ZC2HC1A: variants seen among roughly 807,000 people sequenced by gnomAD.
ZC2HC1A encodes zinc finger C2HC-type containing 1A.
Under a neutral mutation model 40.7 loss-of-function variants are expected in ZC2HC1A, and 28 were observed. The ratio of observed to expected loss-of-function variants is 0.69; its 90% CI spans 0.51 to 0.94. ZC2HC1A has a LOEUF of 0.94. Ranked by LOEUF, ZC2HC1A falls within the 40% of genes least tolerant of loss-of-function variation. The pLI, the probability that ZC2HC1A is intolerant of heterozygous loss-of-function variation, is 0.00. For synonymous variants in ZC2HC1A, 129 were observed against 129.2 expected (o/e 1.00, Z 0.01); for missense variants, 389 against 386.3 (o/e 1.01, Z -0.06).
intron 5 of ZC2HC1A, among the ~76,000 whole-genome samples, chr8:78,693,444 T>C (rs1810285489): frequency 6.6e-6 from 1 of 152,222 alleles, no homozygotes; most frequent in Admixed American, 6.5e-5. Context: ...TGAGATGGTA[T>C]CTCATTGTGG....
intron 3 of ZC2HC1A, among the ~76,000 whole-genome samples, 174 bp from the exon 4 acceptor site, chr8:78,686,293 C>T (rs1206722790): frequency 1.3e-5 from 2 of 151,910 alleles, no homozygotes; most frequent in African/African-American, 4.8e-5. Flanking sequence ...TATAAAATTG[C>T]AATGTAGTTG....
At chr8:78,676,285 T>G (rs1024275401) in intron 2 of ZC2HC1A, among the ~76,000 whole-genome samples, 2 of 151,960 alleles carry the variant, frequency 1.3e-5, no homozygotes, top group Non-Finnish European at 2.9e-5. Context: ...AGCTGGGTGA[T>G]GAGTAGTAAA....
At chr8:78,676,132 A>C (rs192774306) in intron 2 of ZC2HC1A, 176 of 260,410 alleles carry the variant, frequency 6.8e-4, no homozygotes, top group African/African-American at 3.8e-3. Flanking sequence ...AAATAAAAAA[A>C]AAAAAACAAA....
rs1811172716 is a variant in ZC2HC1A at position 78,718,472 on chromosome 8, G to T, written c.*979G>T. The T allele has an allele frequency of 6.6e-6, 1 of 151,856 alleles. No homozygotes were observed. The highest frequency in any genetic ancestry group is 1.5e-5 in the Non-Finnish European group (1 of 67,786). The allele number at this position is 151,856 out of a possible 1,614,324, so 9.4% of individuals were successfully genotyped here. A position where few individuals can be genotyped will look rare whatever the true frequency, so the allele number is the denominator to read the frequency against. On this transcript the variant is annotated 3_prime_UTR_variant, in exon 9 of 9. Transcript: ENST00000263849. ...ATAGTTGTGGTAACTAATCATTAGT[G>T]CAGAGCATGCAGATAAAAAATATTT... is the stretch of plus-strand genomic sequence containing the variant.
At position 78,686,566 on chromosome 8, in the gene ZC2HC1A, G is replaced by C. The variant is rs1433232139; in HGVS notation, c.310G>C (p.Gly104Arg). The change falls in exon 4 of 9, where the codon GGT (glycine) becomes CGT (arginine). Residue 104 changes from glycine (G) to arginine (R), a missense_variant. Physicochemically the swap from Gly to Arg is moderately radical, Grantham distance 125. Transcript: ENST00000263849. The part of the protein sequence containing the change: ...AKGLDQALKE[G>R]GKLPPPPPPS... Reference sequence around the variant, plus strand: ...AGGCCTTGATCAGGCCCTCAAAGAGGGTGGCAAACTTCCTCCTCCTCCTCC... The same window carrying C: ...AGGCCTTGATCAGGCCCTCAAAGAGCGTGGCAAACTTCCTCCTCCTCCTCC... 1.3e-6 allele frequency: 2 copies of C among 1,531,976 alleles called. No individual in the cohort carries two copies. Among genetic ancestry groups the C allele is most frequent in the Middle Eastern group, 1.7e-4 (1 of 5,730 alleles). The allele number at this position is 1,531,976 out of a possible 1,614,324, so 94.9% of individuals were successfully genotyped here. A position where few individuals can be genotyped will look rare whatever the true frequency, so the allele number is the denominator to read the frequency against.
chr8:78,678,827 C>T, intron 3 of ZC2HC1A, 148 bp downstream of exon 3: 1 of 474,150 alleles, frequency 2.1e-6, no homozygotes, highest in Non-Finnish European at 3.5e-6. Context: ...GTTATATGTT[C>T]AGTTTAGAAA....
At chr8:78,694,163 G>T (rs1810318783) in intron 5 of ZC2HC1A, among the ~76,000 whole-genome samples, 1 of 151,810 alleles carries the variant, frequency 6.6e-6, no homozygotes, top group South Asian at 2.1e-4. Context: ...TTTATAGTTT[G>T]CAATTTTCCA....
intron 1 of ZC2HC1A, among the ~76,000 whole-genome samples, chr8:78,667,959 AT>A (rs60150136): frequency 3.2e-4 from 48 of 148,952 alleles, no homozygotes; most frequent in African/African-American, 9.1e-4. Context: ...TTACTTTTAG[AT>A]TTTTTTTTTT....
In ZC2HC1A at chr8:78,670,685, A is replaced by G. The variant is rs187138711; in HGVS notation, c.16+4521A>G. ...AAGCAAGTCACTCTGAGATCAAGAT[A>G]GTAACTTAGAGAAAGGTAGGAGGTA... On this transcript the variant is annotated intron_variant, in intron 1 of 8. Transcript: ENST00000263849. Among the ~76,000 whole-genome samples, 382 of 152,326 alleles carry G rather than the reference A, an allele frequency of 2.5e-3. 1 individual carries two copies. Among genetic ancestry groups the G allele is most frequent in the Non-Finnish European group, 3.9e-3 (262 of 68,020 alleles).
intron 5 of ZC2HC1A, among the ~76,000 whole-genome samples, chr8:78,692,340 T>A (rs1378313894): frequency 6.6e-6 from 1 of 152,252 alleles, no homozygotes; most frequent in Non-Finnish European, 1.5e-5. Context: ...ATCCCTATAG[T>A]TCAGTCTTAT....
At chr8:78,680,966 G>T (rs1809757502) in intron 3 of ZC2HC1A, among the ~76,000 whole-genome samples, 1 of 152,186 alleles carries the variant, frequency 6.6e-6, no homozygotes, top group Non-Finnish European at 1.5e-5. Flanking sequence ...GGAGAGAATG[G>T]TGGGAGTAGG....
chr8:78,666,524 A>G (rs960755905), intron 1 of ZC2HC1A, among the ~76,000 whole-genome samples: 1 of 151,660 alleles, frequency 6.6e-6, no homozygotes, highest in African/African-American at 2.4e-5. Flanking sequence ...CTTGTACTGG[A>G]CTCTCTCCAT....
chr8:78,666,167 G>T lies in ZC2HC1A; in HGVS notation c.16+3G>T. 6.3e-7 allele frequency: 1 copy of T among 1,574,862 alleles called. No homozygotes were observed. The highest frequency in any genetic ancestry group is 8.6e-7 in the Non-Finnish European group (1 of 1,160,488). ...TGGCGCGATGGAGGGACTGGAAGGT[G>T]AGGCGATGAAGGGATGAGGGCAGGA... On this transcript the variant is annotated splice_donor_region_variant and intron_variant, in intron 1 of 8. Transcript: ENST00000263849.
chr8:78,687,031 A>G lies in ZC2HC1A; in HGVS notation c.352+423A>G, dbSNP rs569496874. Reference sequence around the variant, plus strand: ...AAAAATCATAATTTTCCTAAAATGTATAATTCATGTGGCTCGACTACATTT... The same window carrying G: ...AAAAATCATAATTTTCCTAAAATGTGTAATTCATGTGGCTCGACTACATTT... On this transcript the variant is annotated intron_variant, in intron 4 of 8. Coordinates refer to ENST00000263849, the MANE Select transcript of ZC2HC1A (RefSeq NM_016010.3). 3.3e-5 allele frequency among the ~76,000 whole-genome samples: 5 copies of G among 152,256 alleles called. No individual in the cohort carries two copies. The East Asian group carries it at 7.7e-4, about 23-fold the overall frequency.
At position 78,715,336 on chromosome 8, in the gene ZC2HC1A, T is replaced by C; in HGVS notation, c.812+8T>C. ...TGAGAGCTACATAGCCAGGTATGTT[T>C]AGCTCTGCTCTCCCAATAACTAAAA... On this transcript the variant is annotated splice_region_variant and intron_variant, in intron 8 of 8. Coordinates refer to ENST00000263849, the MANE Select transcript of ZC2HC1A (RefSeq NM_016010.3). 6.2e-7 allele frequency: 1 copy of C among 1,603,474 alleles called. No homozygotes were observed. Among genetic ancestry groups the C allele is most frequent in the Non-Finnish European group, 8.5e-7 (1 of 1,174,538 alleles).
At chr8:78,711,892 T>A in intron 7 of ZC2HC1A, 2 of 625,004 alleles carry the variant, frequency 3.2e-6, no homozygotes, top group Non-Finnish European at 5.0e-6. Flanking sequence ...ACTTGGGGAG[T>A]AGATATCTGA....
chr8:78,674,886 T>C (rs1165575688), intron 1 of ZC2HC1A, among the ~76,000 whole-genome samples: 1 of 152,124 alleles, frequency 6.6e-6, no homozygotes, highest in African/African-American at 2.4e-5. Context: ...GTCTTTCATA[T>C]GATAAAAGAA....
intron 7 of ZC2HC1A, among the ~76,000 whole-genome samples, chr8:78,712,595 A>G (rs1810985268): frequency 6.6e-6 from 1 of 152,168 alleles, no homozygotes; most frequent in Admixed American, 6.6e-5. Context: ...AGATGGTTGT[A>G]AATTCTGCCT....
intron 3 of ZC2HC1A, among the ~76,000 whole-genome samples, chr8:78,686,238 G>A (rs968994397): frequency 2.6e-5 from 4 of 152,154 alleles, no homozygotes; most frequent in African/African-American, 9.7e-5. Flanking sequence ...ACAGAAGGCA[G>A]TTTAGTAGTG....
Sources: allele counts gnomAD v4.1 joint callset (sites outside exome capture counted in the v4.1 genomes callset), GRCh38; gene constraint gnomAD v4.1.1; transcripts MANE v1.5; gene names NCBI Gene and HGNC (gene_info 2026-07-23, HGNC 2026-07-21).